The following UMODL1 variants were observed in gnomAD, a reference collection of about 807,000 sequenced individuals.
UMODL1 encodes uromodulin-like 1.
Under a neutral mutation model 136.3 loss-of-function variants are expected in UMODL1, and 128 were observed. The observed-to-expected ratio is 0.94, with a 90% CI of 0.81 to 1.09. The LOEUF is 1.09. Among genes scored for constraint, UMODL1 ranks in the 50% least tolerant of loss-of-function variants. The pLI, the probability that UMODL1 is intolerant of heterozygous loss-of-function variation, is 0.00. For synonymous variants in UMODL1, 721 were observed against 720.0 expected (o/e 1.00, Z -0.02); for missense variants, 1,766 against 1,725.6 (o/e 1.02, Z -0.41).
At chr21:42,080,483 C>A (rs2066349417) in intron 2 of UMODL1, among the ~76,000 whole-genome samples, 1 of 152,218 alleles carries the variant, frequency 6.6e-6, no homozygotes, top group African/African-American at 2.4e-5. Flanking sequence ...TTTCTCCTCC[C>A]ACTCAATAAT....
intron 3 of UMODL1, 29 bp downstream of exon 3, chr21:42,084,274 C>T (rs1238629434): frequency 6.2e-7 from 1 of 1,608,214 alleles, no homozygotes; most frequent in Non-Finnish European, 8.5e-7. Flanking sequence ...TGCTTATGGA[C>T]AGGCAGCAAA....
chr21:42,112,505 A>G (rs926165518), intron 12 of UMODL1, among the ~76,000 whole-genome samples: 1 of 146,156 alleles, frequency 6.8e-6, no homozygotes, highest in African/African-American at 2.6e-5. Context: ...CAGCTGTTCT[A>G]TATGCCCCAG....
intron 21 of UMODL1, among the ~76,000 whole-genome samples, chr21:42,133,003 G>C (rs2067153798): frequency 6.6e-6 from 1 of 152,182 alleles, no homozygotes; most frequent in South Asian, 2.1e-4. Flanking sequence ...ATGTAATAAG[G>C]GTGTAATTTC....
chr21:42,121,047 C>T, intron 15 of UMODL1, 40 bp from the exon 16 acceptor site: 9 of 1,588,844 alleles, frequency 5.7e-6, no homozygotes, highest in Non-Finnish European at 7.7e-6. Context: ...CACAAGCCCC[C>T]AGGGATGTTC....
intron 6 of UMODL1, among the ~76,000 whole-genome samples, chr21:42,091,320 C>G (rs937078067): frequency 6.6e-6 from 1 of 152,304 alleles, no homozygotes; most frequent in African/African-American, 2.4e-5. Flanking sequence ...CCTAGCATCG[C>G]GGGATCAGCC....
In UMODL1 at chr21:42,127,242, G is replaced by A. The variant is rs1194898703; in HGVS notation, c.3530G>A (p.Ser1177Asn). 1 of 1,613,924 alleles carries A rather than the reference G, an allele frequency of 6.2e-7. No individual in the cohort carries two copies. Among genetic ancestry groups the A allele is most frequent in the Admixed American group, 1.7e-5 (1 of 60,022 alleles). Residue 1177 changes from serine to asparagine, a missense_variant and splice_region_variant, in exon 19 of 23, where the codon AGC becomes AAC. Coordinates refer to ENST00000408910, the MANE Select transcript of UMODL1 (RefSeq NM_001004416.3). ...ATCACCTTCAGCTTCATTAACAACAGGTAGGGCTCAGGAGTGCAGGCACCC... is the reference window on the plus strand; with the variant it reads ...ATCACCTTCAGCTTCATTAACAACAAGTAGGGCTCAGGAGTGCAGGCACCC... Reference protein sequence around the residue: ...DPITFSFINNSCPVPNTYTNV... With the variant: ...DPITFSFINNNCPVPNTYTNV...
Position 42,113,787 on chromosome 21 carries a change from A to G in UMODL1, c.2319A>G (p.Ala773=), listed in dbSNP as rs757278819. ...ACCTGGTTGAGATCATGGCCAAAGCATGTGGGAAAGAAGGTGCCAGAGCTC... is the reference window on the plus strand; with the variant it reads ...ACCTGGTTGAGATCATGGCCAAAGCGTGTGGGAAAGAAGGTGCCAGAGCTC... ...VLHLVEIMAK[A]CGKEGARAHL... The change falls in exon 13 of 23, where the codon GCA becomes GCG. Residue 773 remains alanine, a synonymous_variant. Coordinates refer to ENST00000408910, the MANE Select transcript of UMODL1 (RefSeq NM_001004416.3). The G allele has an allele frequency of 1.4e-5, 22 of 1,613,950 alleles. No homozygotes were observed. Among genetic ancestry groups the G allele is most frequent in the Non-Finnish European group, 1.8e-5 (21 of 1,180,032 alleles).
At position 42,109,564 on chromosome 21, in the gene UMODL1, T is replaced by C. The variant is rs191515144; in HGVS notation, c.1522T>C (p.Trp508Arg). The part of the protein sequence containing the change: ...IDRQGTRVQD[W>R]DECVDSAEHD... The stretch of plus-strand genomic sequence containing the variant: ...TTGATTGTGTCTCCCCCTGGCAGAC[T>C]GGGACGAGTGTGTGGACAGCGCGGA... Residue 508 changes from tryptophan (W) to arginine (R), a missense_variant and splice_region_variant, in exon 10 of 23, where the codon TGG becomes CGG. Transcript: ENST00000408910. The C allele has an allele frequency of 8.2e-5, 132 of 1,611,118 alleles. No homozygotes were observed. The highest frequency in any genetic ancestry group is 1.0e-4 in the Non-Finnish European group (119 of 1,179,990).
intron 9 of UMODL1, 50 bp from the exon 10 acceptor site, chr21:42,109,512 C>T: frequency 4.4e-6 from 7 of 1,596,604 alleles, no homozygotes; most frequent in Non-Finnish European, 6.0e-6. Flanking sequence ...GTCTTCTGAT[C>T]ACTCTTTGGC....
intron 22 of UMODL1, among the ~76,000 whole-genome samples, chr21:42,138,293 C>A (rs150684678): frequency 6.6e-6 from 1 of 152,294 alleles, no homozygotes; most frequent in Non-Finnish European, 1.5e-5. Context: ...TAACGATGGT[C>A]CTCGGCCGAG....
intron 9 of UMODL1, among the ~76,000 whole-genome samples, chr21:42,105,101 G>A (rs144151350): frequency 1.3e-5 from 2 of 152,318 alleles, no homozygotes; most frequent in South Asian, 4.1e-4. Flanking sequence ...GGTTGGGTGT[G>A]GGGGGATCTA....
At chr21:42,132,215 A>C (rs1325880533) in intron 21 of UMODL1, among the ~76,000 whole-genome samples, 1 of 151,212 alleles carries the variant, frequency 6.6e-6, no homozygotes, top group Non-Finnish European at 1.5e-5. Context: ...CCCTCCACTC[A>C]TCTATCATCC....
At chr21:42,135,529 G>A (rs140983466) in intron 21 of UMODL1, among the ~76,000 whole-genome samples, 15 of 152,274 alleles carry the variant, frequency 9.9e-5, no homozygotes, top group East Asian at 1.9e-4. Context: ...CAGCAGGAGC[G>A]GGTCTCCTTG....
intron 16 of UMODL1, among the ~76,000 whole-genome samples, chr21:42,121,982 T>C (rs1297399324): frequency 6.6e-6 from 1 of 151,844 alleles, no homozygotes; most frequent in Non-Finnish European, 1.5e-5. Context: ...CTGCAGGAGA[T>C]GGGTGGCAGA....
intron 9 of UMODL1, among the ~76,000 whole-genome samples, chr21:42,104,636 G>C (rs1264576631): frequency 6.6e-6 from 1 of 152,060 alleles, no homozygotes; most frequent in Non-Finnish European, 1.5e-5. Flanking sequence ...TTTAAGTAGA[G>C]ACAGGGTTTC....
intron 12 of UMODL1, 90 bp downstream of exon 12, chr21:42,111,800 G>C: frequency 4.6e-6 from 6 of 1,293,614 alleles, no homozygotes; most frequent in Non-Finnish European, 5.2e-6. Flanking sequence ...CAGCCGTGGA[G>C]TCGCAGGCTG....
intron 22 of UMODL1, among the ~76,000 whole-genome samples, chr21:42,141,359 C>G (rs539702207): frequency 1.3e-5 from 2 of 152,330 alleles, no homozygotes; most frequent in South Asian, 2.1e-4. Context: ...AACTAACATA[C>G]GCAGTATTCT....
rs1569154045 is a variant in UMODL1, at chr21:42,099,876, T to C, written c.1186+696T>C. On this transcript the variant is annotated intron_variant, in intron 7 of 22. Coordinates refer to ENST00000408910, the MANE Select transcript of UMODL1 (RefSeq NM_001004416.3). The surrounding 1 kb of genome is among the most constrained non-coding windows in gnomAD (Gnocchi z 4.1). ...TTTTATTTTTCATAAGGATGGAGTC[T>C]TGCCATGTTGCTCAGGCTGGTGTCA... Among the ~76,000 whole-genome samples, 1 of 152,188 alleles carries C rather than the reference T, an allele frequency of 6.6e-6. No individual in the cohort carries two copies. The highest frequency in any genetic ancestry group is 1.5e-5 in the Non-Finnish European group (1 of 68,030).
At chr21:42,128,099 G>A (rs930724468) in intron 20 of UMODL1, 15 of 571,898 alleles carry the variant, frequency 2.6e-5, no homozygotes, top group East Asian at 8.3e-5. Context: ...ATATTCAACC[G>A]GCTGTCGCGT....
Sources: allele counts gnomAD v4.1 joint callset (sites outside exome capture counted in the v4.1 genomes callset), GRCh38; gene constraint gnomAD v4.1.1; non-coding constraint Gnocchi (gnomAD v3.1); transcripts MANE v1.5; gene names NCBI Gene and HGNC (gene_info 2026-07-23, HGNC 2026-07-21).